The following CLIC4 variants were observed in gnomAD, a reference collection of about 807,000 sequenced individuals.
The protein encoded by CLIC4 is CLIC family member 4.
A neutral mutation model predicts 24.6 loss-of-function variants in CLIC4; 13 were observed. The observed-to-expected ratio is 0.53, with a 90% CI of 0.34 to 0.84. The LOEUF (loss-of-function observed/expected upper bound fraction) is 0.84. Among genes scored for constraint, CLIC4 ranks in the 40% least tolerant of loss-of-function variants. The pLI is 0.01. For missense variants in CLIC4, 227 were observed against 301.7 expected (o/e 0.75, Z 1.83); for synonymous variants, 104 against 111.3 (o/e 0.93, Z 0.41).
intron 1 of CLIC4, among the ~76,000 whole-genome samples, chr1:24,763,499 C>A (rs936359217): frequency 8.1e-5 from 11 of 136,338 alleles, no homozygotes; most frequent in Admixed American, 1.7e-4. Flanking sequence ...GAAATCATGC[C>A]ACTGCACTCC....
intron 3 of CLIC4, among the ~76,000 whole-genome samples, chr1:24,825,663 C>T (rs1639780384): frequency 6.6e-6 from 1 of 152,218 alleles, no homozygotes; most frequent in Middle Eastern, 3.4e-3. Context: ...ATAGGTGTTC[C>T]ATAGATATTT....
intron 4 of CLIC4, among the ~76,000 whole-genome samples, chr1:24,829,539 C>G (rs1227354963): frequency 6.6e-6 from 1 of 152,114 alleles, no homozygotes; most frequent in Non-Finnish European, 1.5e-5. Context: ...AGATCTCCTA[C>G]TTTTTTTAAG....
intron 1 of CLIC4, among the ~76,000 whole-genome samples, chr1:24,766,498 T>G (rs1638998482): frequency 3.6e-5 from 3 of 84,478 alleles, no homozygotes; most frequent in African/African-American, 1.5e-4. Flanking sequence ...TTTTTTTTTT[T>G]TTTTTTTTTT....
Sources: gnomAD v4.1 joint callset for allele counts (sites outside exome capture counted in the v4.1 genomes callset) on GRCh38, gnomAD v4.1.1 for gene constraint, MANE v1.5 for transcripts, NCBI Gene and HGNC (gene_info 2026-07-23, HGNC 2026-07-21) for gene names.